The following NUFIP2 variants were observed in gnomAD, a reference collection of about 807,000 sequenced individuals.
NUFIP2 encodes FMR1-interacting protein NUFIP2.
Under a neutral mutation model 56.9 loss-of-function variants are expected in NUFIP2, and 6 were observed. That is an observed-to-expected ratio of 0.11 (90% CI 0.06 to 0.21). The LOEUF (loss-of-function observed/expected upper bound fraction) is 0.21, where lower values mean the gene tolerates loss of function less well. Ranked by LOEUF, NUFIP2 falls within the 10% of genes least tolerant of loss-of-function variation. The pLI is 1.00. For missense variants in NUFIP2, 828 were observed against 826.8 expected, an observed-to-expected ratio of 1.00 and a Z score of -0.02; for synonymous variants, 321 against 298.2, an observed-to-expected ratio of 1.08 and a Z score of -0.79.
rs773118902 is a variant in NUFIP2 at position 29,259,198 on chromosome 17, G to C, written c.*5341C>G. The stretch of plus-strand genomic sequence containing the variant: ...TAATTTGCCCTCAAGTTAATTTGTT[G>C]GTCTGAAGAGTACAACAACTTTGAT... On this transcript the variant is annotated 3_prime_UTR_variant, in exon 4 of 4. Coordinates refer to ENST00000225388, the MANE Select transcript of NUFIP2 (RefSeq NM_020772.3). 1.3e-5 allele frequency: 2 copies of C among 152,076 alleles called. No homozygotes were observed. Among genetic ancestry groups the C allele is most frequent in the Admixed American group, 1.3e-4 (2 of 15,266 alleles). The allele number at this position is 152,076 out of a possible 1,614,324, so 9.4% of individuals were successfully genotyped here.
chr17:29,267,184 G>T (rs1281687350), intron 3 of NUFIP2, among the ~76,000 whole-genome samples: 1 of 151,080 alleles, frequency 6.6e-6, no homozygotes, highest in Non-Finnish European at 1.5e-5. Flanking sequence ...GATTACAGGC[G>T]TGAGCCACCG....
rs1222036265 is a variant in NUFIP2, at chr17:29,257,537, A to G, written c.*7002T>C. On this transcript the variant is annotated 3_prime_UTR_variant, in exon 4 of 4. Coordinates refer to ENST00000225388, the MANE Select transcript of NUFIP2 (RefSeq NM_020772.3). ...TCAGATCTTTTTTTTTTTTAATGAC[A>G]AGAATTGCACAGTTTATTATTTTGA... 1 of 152,116 alleles carries G rather than the reference A, an allele frequency of 6.6e-6. No homozygotes were observed. The highest frequency in any genetic ancestry group is 1.5e-5 in the Non-Finnish European group (1 of 68,008). 9.4% of individuals were successfully genotyped at this position (152,116 alleles called of 1,614,324 possible).
At chr17:29,284,707 A>AG (rs1491413865) in intron 2 of NUFIP2, among the ~76,000 whole-genome samples, 1 of 42,030 alleles carries the variant, frequency 2.4e-5, no homozygotes, top group East Asian at 8.2e-4. Flanking sequence ...ACTCCATCTC[A>AG]AAAAAAAAAA....
intron 2 of NUFIP2, among the ~76,000 whole-genome samples, chr17:29,279,123 T>C (rs970855638): frequency 1.3e-5 from 2 of 152,188 alleles, no homozygotes; most frequent in Non-Finnish European, 2.9e-5. Context: ...CAGGAAGCAA[T>C]TGCAATGAAA....
At chr17:29,283,352 T>C (rs1436839068) in intron 2 of NUFIP2, among the ~76,000 whole-genome samples, 1 of 152,204 alleles carries the variant, frequency 6.6e-6, no homozygotes, top group African/African-American at 2.4e-5. Context: ...TGTTGTTTTG[T>C]TTTGAGACAC....
intron 2 of NUFIP2, among the ~76,000 whole-genome samples, chr17:29,284,524 G>A (rs932191052): frequency 6.6e-6 from 1 of 151,592 alleles, no homozygotes; most frequent in African/African-American, 2.4e-5. Context: ...TGGCCAACAC[G>A]GTGAAACCTC....
intron 2 of NUFIP2, among the ~76,000 whole-genome samples, chr17:29,285,461 C>T (rs1475223395): frequency 6.6e-6 from 1 of 151,756 alleles, no homozygotes; most frequent in Non-Finnish European, 1.5e-5. Context: ...CATGGTGGTG[C>T]GTGCCTGTAA....
intron 2 of NUFIP2, among the ~76,000 whole-genome samples, chr17:29,278,349 C>T (rs541302033): frequency 6.6e-6 from 1 of 152,040 alleles, no homozygotes; most frequent in South Asian, 2.1e-4. Context: ...CGGGTTCACG[C>T]TATTCTCCTG....
rs922281866 is a variant in NUFIP2, at chr17:29,260,977, A to T, written c.*3562T>A. 1 of 152,194 alleles carries T rather than the reference A, an allele frequency of 6.6e-6. No individual in the cohort carries two copies. Among genetic ancestry groups the T allele is most frequent in the Non-Finnish European group, 1.5e-5 (1 of 68,024 alleles). 9.4% of individuals were successfully genotyped at this position (152,194 alleles called of 1,614,324 possible). A position where few individuals can be genotyped will look rare whatever the true frequency, so the allele number is the denominator to read the frequency against. ...ACCACAGACGCTGTAAATACACTTT[A>T]TGTGAAGGTTCATTACTAAGGAGGT... is the stretch of plus-strand genomic sequence containing the variant. On this transcript the variant is annotated 3_prime_UTR_variant, in exon 4 of 4. Coordinates refer to ENST00000225388, the MANE Select transcript of NUFIP2 (RefSeq NM_020772.3).
chr17:29,285,832 C>T (rs897144986), intron 2 of NUFIP2, among the ~76,000 whole-genome samples, 160 bp downstream of exon 2: 1 of 151,970 alleles, frequency 6.6e-6, no homozygotes, highest in African/African-American at 2.4e-5. Context: ...CATACTAGTT[C>T]CAAGGACCCT....
chr17:29,292,407 ATTTT>A (rs35830192), intron 1 of NUFIP2, among the ~76,000 whole-genome samples: 2 of 140,416 alleles, frequency 1.4e-5, no homozygotes, highest in Non-Finnish European at 3.1e-5. Context: ...AGGTTTTTGG[ATTTT>A]TTTTTTTTTT....
At chr17:29,285,386 G>A (rs150563952) in intron 2 of NUFIP2, among the ~76,000 whole-genome samples, 2 of 151,656 alleles carry the variant, frequency 1.3e-5, no homozygotes, top group East Asian at 1.9e-4. Flanking sequence ...AGGTCAAGAG[G>A]TCAAGACCAT....
In NUFIP2 at chr17:29,286,843, G is replaced by A; in HGVS notation, c.1151C>T (p.Ser384Leu). The change falls in exon 2 of 4, where the codon TCA becomes TTA. Residue 384 changes from serine (S) to leucine (L), a missense_variant. Ser to Leu is a moderately radical substitution (Grantham distance 145, BLOSUM62 -2). Coordinates refer to ENST00000225388, the MANE Select transcript of NUFIP2 (RefSeq NM_020772.3). ...SVSPTSSSSS[S>L]SSTGETQTQS... ...GGTCTGAGTTTCCCCGGTAGATGAT[G>A]AAGATGATGAAGATGAAGTTGGTGA... 3 of 1,613,844 alleles carry A rather than the reference G, an allele frequency of 1.9e-6. No individual in the cohort carries two copies. Among genetic ancestry groups the A allele is most frequent in the East Asian group, 2.2e-5 (1 of 44,870 alleles).
At position 29,287,237 on chromosome 17, in the gene NUFIP2, T is replaced by A. The variant is rs374963311; in HGVS notation, c.757A>T (p.Thr253Ser). ...KIMQQETSVP[T>S]LKQGLETFKP... ...AAAGTTTCAAGTCCCTGTTTTAAGG[T>A]TGGGACACTGGTCTCTTGTTGCATT... Residue 253 changes from threonine (T) to serine (S), a missense_variant, in exon 2 of 4, where the codon ACC (threonine) becomes TCC (serine). Transcript: ENST00000225388. 1.2e-6 allele frequency: 2 copies of A among 1,614,214 alleles called. No individual in the cohort carries two copies. Among genetic ancestry groups the A allele is most frequent in the African/African-American group, 2.7e-5 (2 of 75,054 alleles).
At chr17:29,283,952 G>T (rs976305689) in intron 2 of NUFIP2, among the ~76,000 whole-genome samples, 3 of 152,194 alleles carry the variant, frequency 2.0e-5, no homozygotes, top group Non-Finnish European at 2.9e-5. Context: ...GAAGTAAAAT[G>T]ATATTAAAAG....
intron 2 of NUFIP2, among the ~76,000 whole-genome samples, chr17:29,280,181 A>G (rs1029394278): frequency 2.0e-5 from 3 of 152,330 alleles, no homozygotes; most frequent in African/African-American, 4.8e-5. Flanking sequence ...CTTCAGTGCC[A>G]TAACAGCCAT....
At chr17:29,275,079 C>T (rs1471185076) in intron 2 of NUFIP2, among the ~76,000 whole-genome samples, 2 of 151,818 alleles carry the variant, frequency 1.3e-5, no homozygotes, top group Non-Finnish European at 2.9e-5. Context: ...GGCTGGAATG[C>T]TCGATCTCGG....
intron 2 of NUFIP2, among the ~76,000 whole-genome samples, chr17:29,269,607 C>T (rs2153011025): frequency 6.6e-6 from 1 of 151,812 alleles, no homozygotes; most frequent in Middle Eastern, 3.4e-3. Flanking sequence ...CTCCTGGGTT[C>T]AAGCAATCCT....
intron 3 of NUFIP2, 35 bp downstream of exon 3, chr17:29,267,460 CTTA>C (rs1159324883): frequency 1.7e-6 from 2 of 1,180,190 alleles, no homozygotes; most frequent in Non-Finnish European, 2.5e-6. Context: ...CCAGTGGTTA[CTTA>C]TTAGTGACAT....
Sources: allele counts gnomAD v4.1 joint callset (sites outside exome capture counted in the v4.1 genomes callset), GRCh38; gene constraint gnomAD v4.1.1; transcripts MANE v1.5; gene names NCBI Gene and HGNC (gene_info 2026-07-23, HGNC 2026-07-21).